Variants in PRDM2 observed in about 807,000 individuals in gnomAD.
The protein encoded by PRDM2 is PR/SET domain 2.
In PRDM2, 30 loss-of-function variants were observed where a neutral mutation model predicts 130.0. The ratio of observed to expected loss-of-function variants is 0.23; its 90% CI spans 0.17 to 0.31. The LOEUF (loss-of-function observed/expected upper bound fraction) is 0.31. Ranked by LOEUF, PRDM2 falls within the 10% of genes least tolerant of loss-of-function variation. PRDM2 has a pLI of 1.00. For missense variants in PRDM2, 2,011 were observed against 2,108.4 expected (o/e 0.95, Z 0.90); for synonymous variants, 871 against 782.4 (o/e 1.11, Z -1.89).
chr1:13,700,368 C>CGCG (rs1642031374), intron 1 of PRDM2, 68 bp downstream of exon 1: 2 of 148,924 alleles, frequency 1.3e-5, no homozygotes, highest in Non-Finnish European at 3.0e-5. Flanking sequence ...CCCCGAGGAG[C>CGCG]GCGGCGGCGA....
intron 5 of PRDM2, among the ~76,000 whole-genome samples, chr1:13,743,447 A>T (rs889987038): frequency 4.0e-5 from 6 of 150,704 alleles, no homozygotes; most frequent in African/African-American, 1.5e-4. Flanking sequence ...CACATTATAC[A>T]TGGAGATATT....
rs866936490 is a variant in PRDM2 at position 13,792,477 on chromosome 1, C to T, written c.5036+9646C>T. Among the ~76,000 whole-genome samples the T allele has an allele frequency of 8.5e-5, 13 of 152,256 alleles. No homozygotes were observed. In the East Asian group the frequency reaches 1.3e-3, roughly 16 times the overall value. ...AAACTCATGGATTCAATTTTCCTTG[C>T]GGTAACATTCTCTTCTCACTTGCTT... On this transcript the variant is annotated intron_variant, in intron 8 of 9. Coordinates refer to ENST00000311066, the MANE Select transcript of PRDM2 (RefSeq NM_001393986.1).
intron 8 of PRDM2, among the ~76,000 whole-genome samples, chr1:13,784,869 T>C (rs1644701546): frequency 6.6e-6 from 1 of 152,202 alleles, no homozygotes; most frequent in East Asian, 1.9e-4. Context: ...GACACATCTG[T>C]AGGTCAGGAA....
At chr1:13,736,655 T>G (rs1382946601) in intron 4 of PRDM2, among the ~76,000 whole-genome samples, 3 of 152,340 alleles carry the variant, frequency 2.0e-5, no homozygotes, top group Non-Finnish European at 4.4e-5. Context: ...ACATTTTAAC[T>G]TTTTATAAAT....
At chr1:13,808,315 C>A (rs976184255) in intron 8 of PRDM2, among the ~76,000 whole-genome samples, 1 of 152,026 alleles carries the variant, frequency 6.6e-6, no homozygotes, top group Non-Finnish European at 1.5e-5. Flanking sequence ...CATGGTGAAA[C>A]CCCATCTCTA....
At chr1:13,719,535 G>A (rs1484849655) in intron 2 of PRDM2, among the ~76,000 whole-genome samples, 2 of 152,310 alleles carry the variant, frequency 1.3e-5, no homozygotes, top group South Asian at 2.1e-4. Flanking sequence ...TGGTGATAAC[G>A]TGTGTTCACT....
At chr1:13,706,501 T>C (rs576501725) in intron 1 of PRDM2, among the ~76,000 whole-genome samples, 1 of 152,246 alleles carries the variant, frequency 6.6e-6, no homozygotes, top group African/African-American at 2.4e-5. Context: ...CCTTTTGGAA[T>C]AGGGTGTGGA....
chr1:13,742,005 G>A lies in PRDM2; in HGVS notation c.232G>A (p.Val78Met), dbSNP rs1557612198. 1 of 1,546,154 alleles carries A rather than the reference G, an allele frequency of 6.5e-7. No homozygotes were observed. The highest frequency in any genetic ancestry group is 8.9e-7 in the Non-Finnish European group (1 of 1,121,304). Residue 78 changes from valine to methionine, a missense_variant and splice_region_variant, in exon 5 of 10, where the codon GTG (valine) becomes ATG (methionine). Transcript: ENST00000311066. ...TTTTTTACTTTTCTCCATTTTCAAG[G>A]TGTATTACCCAAATTTGGGATGGAT... Reference protein sequence around the residue: ...QVKNNVYMWEVYYPNLGWMCI... With the variant: ...QVKNNVYMWEMYYPNLGWMCI...
intron 6 of PRDM2, among the ~76,000 whole-genome samples, chr1:13,769,437 C>T (rs1251433212): frequency 1.3e-5 from 2 of 152,120 alleles, no homozygotes; most frequent in Non-Finnish European, 2.9e-5. Flanking sequence ...TGGGCAGGAC[C>T]CCTGGTTCTG....
At position 13,778,446 on chromosome 1, in the gene PRDM2, A is replaced by G. The variant is rs770389912; in HGVS notation, c.651A>G (p.Ser217=). The G allele has an allele frequency of 1.6e-5, 25 of 1,611,608 alleles. No individual in the cohort carries two copies. The African/African-American group carries it at 2.7e-4, about 17-fold the overall frequency. The change falls in exon 8 of 10, where the codon TCA becomes TCG. Residue 217 remains serine (S), a synonymous_variant. Coordinates refer to ENST00000311066, the MANE Select transcript of PRDM2 (RefSeq NM_001393986.1). ...CTAAAGAAGACGAAGAGAAGCCTTCAGCCTCAGCACTTGAGCAGCCGGCCA... is the reference window on the plus strand; with the variant it reads ...CTAAAGAAGACGAAGAGAAGCCTTCGGCCTCAGCACTTGAGCAGCCGGCCA... ...EGPKEDEEKP[S]ASALEQPATL... is the part of the protein sequence containing the mutation.
intron 2 of PRDM2, 95 bp from the exon 3 acceptor site, chr1:13,730,905 T>G: frequency 1.1e-6 from 1 of 893,540 alleles, no homozygotes; most frequent in Non-Finnish European, 1.7e-6. Context: ...TCGGTTACAT[T>G]TTTGCATACT....
chr1:13,749,895 C>G (rs1643762141), intron 6 of PRDM2, among the ~76,000 whole-genome samples: 1 of 152,094 alleles, frequency 6.6e-6, no homozygotes, highest in Non-Finnish European at 1.5e-5. Context: ...TCGCGGCTAG[C>G]TTGACAGCCC....
At chr1:13,745,713 G>A (rs559583535) in intron 5 of PRDM2, among the ~76,000 whole-genome samples, 4 of 152,160 alleles carry the variant, frequency 2.6e-5, no homozygotes, top group South Asian at 2.1e-4. Context: ...GTGAGCCACC[G>A]TGCCCAGCCT....
chr1:13,802,037 G>C (rs952179657), intron 8 of PRDM2, among the ~76,000 whole-genome samples: 2 of 152,198 alleles, frequency 1.3e-5, no homozygotes, highest in Non-Finnish European at 2.9e-5. Context: ...GAGCTGTCCC[G>C]TCCTGGCCAC....
In PRDM2 at chr1:13,778,614, AGAG is replaced by A. The variant is rs774369835; in HGVS notation, c.828_830del (p.Glu276del). Reference sequence around the variant, plus strand: ...ATTTGGGGGAAGAGGAGGAGGAGGAAGAGGAGGAGGATGAAGAAGAAGAAGAAG... The same window carrying A: ...ATTTGGGGGAAGAGGAGGAGGAGGAAGAGGAGGATGAAGAAGAAGAAGAAG... On this transcript the variant is annotated inframe_deletion, in exon 8 of 10. Coordinates refer to ENST00000311066, the MANE Select transcript of PRDM2 (RefSeq NM_001393986.1). 6.6e-5 allele frequency: 107 copies of A among 1,613,644 alleles called. No individual in the cohort carries two copies. In the African/African-American group the frequency reaches 9.2e-4, roughly 14 times the overall value.
chr1:13,766,610 A>G (rs1336224499), intron 6 of PRDM2, among the ~76,000 whole-genome samples: 1 of 152,166 alleles, frequency 6.6e-6, no homozygotes, highest in Non-Finnish European at 1.5e-5. Flanking sequence ...CGTGTCCTCG[A>G]TGACCATTCA....
chr1:13,790,643 C>A (rs370554858), intron 8 of PRDM2, among the ~76,000 whole-genome samples: 14 of 152,114 alleles, frequency 9.2e-5, no homozygotes, highest in Non-Finnish European at 1.8e-4. Flanking sequence ...ATGACGTGAC[C>A]GTTAAGATTT....
chr1:13,779,500 T>C lies in PRDM2; in HGVS notation c.1705T>C (p.Tyr569His), dbSNP rs750390685. Residue 569 changes from tyrosine (Y) to histidine (H), a missense_variant, in exon 8 of 10, where the codon TAT (tyrosine) becomes CAT (histidine). Tyr to His is a moderately conservative substitution (Grantham distance 83). This residue lies in a region of PRDM2 where 1,288 missense variants were observed against 1,237.7 expected (regional missense o/e 1.04). Transcript: ENST00000311066. This position sits in a 1 kb window ranked among gnomAD's most constrained non-coding sequence, Gnocchi z 4.9. ...CAATATCTCTGAAAACTTAAATTAC[T>C]ATATTGATGGTAAAATTCAAACTAA... The part of the protein sequence containing the change: ...SSNISENLNY[Y>H]IDGKIQTNNN... 1.2e-6 allele frequency: 2 copies of C among 1,613,946 alleles called. No individual in the cohort carries two copies. Among genetic ancestry groups the C allele is most frequent in the African/African-American group, 1.3e-5 (1 of 74,916 alleles).
Position 13,749,434 on chromosome 1 carries a change from A to G in PRDM2, c.458A>G (p.Glu153Gly). 6.6e-7 allele frequency: 1 copy of G among 1,511,850 alleles called. No homozygotes were observed. Among genetic ancestry groups the G allele is most frequent in the East Asian group, 2.7e-5 (1 of 36,636 alleles). The allele number at this position is 1,511,850 out of a possible 1,614,324, so 93.7% of individuals were successfully genotyped here. The change falls in exon 6 of 10, where the codon GAG becomes GGG. Residue 153 changes from glutamate (E) to glycine (G), a missense_variant. Glu to Gly is a moderately conservative substitution (Grantham distance 98, BLOSUM62 -2). This residue lies in a region of PRDM2 where 1,288 missense variants were observed against 1,237.7 expected (regional missense o/e 1.04). Transcript: ENST00000311066. ...EDNPEIAAAIEEERASARSKR... is the reference protein window; with the variant it reads ...EDNPEIAAAIGEERASARSKR... ...AACCCTGAGATAGCAGCTGCGATTG[A>G]GGAAGAGCGAGCCAGCGCCCGGAGC...
Sources: allele counts gnomAD v4.1 joint callset (sites outside exome capture counted in the v4.1 genomes callset), GRCh38; gene constraint gnomAD v4.1.1; regional missense constraint gnomAD v4.1.1; non-coding constraint Gnocchi (gnomAD v3.1); transcripts MANE v1.5; gene names NCBI Gene and HGNC (gene_info 2026-07-23, HGNC 2026-07-21).